ADARB2: variants seen among roughly 807,000 people sequenced by gnomAD.
ADARB2 encodes inactive double-stranded RNA-specific editase B2.
A neutral mutation model predicts 62.2 loss-of-function variants in ADARB2; 25 were observed. The observed-to-expected ratio is 0.40, with a 90% CI of 0.29 to 0.56. The LOEUF is 0.56. ADARB2 is among the 20% of genes least tolerant of loss of function. The pLI is 0.43. For synonymous variants in ADARB2, 572 were observed against 500.8 expected (o/e 1.14, Z -1.90); for missense variants, 1,071 against 1,077.4 (o/e 0.99, Z 0.08).
intron 3 of ADARB2, among the ~76,000 whole-genome samples, chr10:1,276,683 A>G (rs1831321117): frequency 6.6e-6 from 1 of 152,204 alleles, no homozygotes; most frequent in South Asian, 2.1e-4. Context: ...CACTGTCAAC[A>G]TTAGACAGAT....
intron 1 of ADARB2, among the ~76,000 whole-genome samples, chr10:1,611,865 G>A (rs543719943): frequency 2.0e-5 from 3 of 152,206 alleles, no homozygotes; most frequent in African/African-American, 7.2e-5. Context: ...ACAGAGCCCT[G>A]GGCAACCCTG....
At chr10:1,709,840 A>G (rs1185206616) in intron 1 of ADARB2, among the ~76,000 whole-genome samples, 2 of 152,210 alleles carry the variant, frequency 1.3e-5, no homozygotes, top group Non-Finnish European at 2.9e-5. Flanking sequence ...TTATTGAGAC[A>G]TTTCAGCATG....
chr10:1,233,581 A>C, intron 6 of ADARB2, 113 bp downstream of exon 6: 2 of 1,155,392 alleles, frequency 1.7e-6, no homozygotes, highest in South Asian at 4.6e-5. Flanking sequence ...TCCAGTACCC[A>C]AGGGCCCCAC....
At chr10:1,546,214 C>T (rs891290744) in intron 1 of ADARB2, among the ~76,000 whole-genome samples, 4 of 152,156 alleles carry the variant, frequency 2.6e-5, no homozygotes, top group South Asian at 2.1e-4. Context: ...CGATTTTAGT[C>T]GGTCCAGGAG....
intron 2 of ADARB2, among the ~76,000 whole-genome samples, chr10:1,378,586 G>A (rs1832454927): frequency 6.6e-6 from 1 of 152,152 alleles, no homozygotes; most frequent in Non-Finnish European, 1.5e-5. Flanking sequence ...TCCAGGTTAG[G>A]ATGGAACTGC....
At chr10:1,505,947 T>C (rs1831841992) in intron 1 of ADARB2, among the ~76,000 whole-genome samples, 1 of 152,262 alleles carries the variant, frequency 6.6e-6, no homozygotes, top group South Asian at 2.1e-4. Context: ...TTTTCCATTC[T>C]TGGTATCAAA....
intron 4 of ADARB2, among the ~76,000 whole-genome samples, chr10:1,262,321 A>ATAATAATAAT (rs397743234): frequency 6.8e-6 from 1 of 147,406 alleles, no homozygotes; most frequent in Admixed American, 6.7e-5. Flanking sequence ...AATAATAATA[A>ATAATAATAAT]AAGAAACCAC....
At chr10:1,555,151 A>G (rs887795524) in intron 1 of ADARB2, among the ~76,000 whole-genome samples, 11 of 152,120 alleles carry the variant, frequency 7.2e-5, no homozygotes, top group Non-Finnish European at 1.2e-4. Flanking sequence ...GGCTGATTCC[A>G]TATCTTTGCT....
intron 1 of ADARB2, among the ~76,000 whole-genome samples, chr10:1,665,325 T>G (rs914166831): frequency 6.6e-6 from 1 of 152,240 alleles, no homozygotes; most frequent in East Asian, 1.9e-4. Flanking sequence ...GAGTGGGCGT[T>G]GTGCGCAGAC....
chr10:1,279,763 A>G (rs1831353987), intron 3 of ADARB2, among the ~76,000 whole-genome samples: 1 of 152,094 alleles, frequency 6.6e-6, no homozygotes, highest in African/African-American at 2.4e-5. Flanking sequence ...CTCTCTTGGA[A>G]AGGGACGTCT....
rs535306864 is a variant in ADARB2, at chr10:1,398,523, C to G, written c.101-19363G>C. ...AAGACCCCTCTCCAGGAGCCCCTAACCCCAGTTCCAGATAAACCTTCTGTT... is the reference window on the plus strand; with the variant it reads ...AAGACCCCTCTCCAGGAGCCCCTAAGCCCAGTTCCAGATAAACCTTCTGTT... On this transcript the variant is annotated intron_variant, in intron 1 of 9. Transcript: ENST00000381312. This position sits in a 1 kb window ranked among gnomAD's most constrained non-coding sequence, Gnocchi z 4.1. Among the ~76,000 whole-genome samples the G allele has an allele frequency of 1.3e-5, 2 of 152,354 alleles. No individual in the cohort carries two copies. Among genetic ancestry groups the G allele is most frequent in the African/African-American group, 2.4e-5 (1 of 41,590 alleles).
chr10:1,309,927 C>T (rs17156186), intron 3 of ADARB2, among the ~76,000 whole-genome samples: 5,110 of 152,310 alleles, frequency 0.034, 160 homozygotes, highest in East Asian at 0.11. Flanking sequence ...CACCTGGGGC[C>T]GCATCATTCC....
chr10:1,533,772 C>T (rs758260970), intron 1 of ADARB2, among the ~76,000 whole-genome samples: 4 of 152,160 alleles, frequency 2.6e-5, no homozygotes, highest in Non-Finnish European at 4.4e-5. Context: ...GTAACATCAG[C>T]GTATGAAATG....
At chr10:1,675,138 G>T (rs1834449171) in intron 1 of ADARB2, 3 of 984,176 alleles carry the variant, frequency 3.0e-6, no homozygotes, top group African/African-American at 1.8e-5. Context: ...TGTTCTGGAG[G>T]TTTAGGTTCA....
At chr10:1,279,084 G>T (rs1455664283) in intron 3 of ADARB2, among the ~76,000 whole-genome samples, 1 of 152,122 alleles carries the variant, frequency 6.6e-6, no homozygotes, top group African/African-American at 2.4e-5. Context: ...ATCTGCTGGG[G>T]CTGCCGTAAA....
intron 1 of ADARB2, among the ~76,000 whole-genome samples, chr10:1,463,733 G>A (rs1232567158): frequency 1.3e-5 from 2 of 151,994 alleles, no homozygotes; most frequent in Non-Finnish European, 2.9e-5. Flanking sequence ...AATGCACTAA[G>A]AATGAAAAGA....
chr10:1,642,133 T>C (rs1391414265), intron 1 of ADARB2, among the ~76,000 whole-genome samples: 1 of 152,256 alleles, frequency 6.6e-6, no homozygotes, highest in East Asian at 1.9e-4. Context: ...ATTTGTGCCA[T>C]TAATGACTTC....
intron 1 of ADARB2, among the ~76,000 whole-genome samples, chr10:1,519,913 G>A (rs1832052933): frequency 6.6e-6 from 1 of 152,064 alleles, no homozygotes; most frequent in Non-Finnish European, 1.5e-5. Context: ...TTGCCATGTA[G>A]GCTGCCTTCT....
chr10:1,368,119 T>TTA (rs1554757018), intron 2 of ADARB2, among the ~76,000 whole-genome samples: 4 of 151,982 alleles, frequency 2.6e-5, no homozygotes, highest in Non-Finnish European at 5.9e-5. Flanking sequence ...AGCGGTGGCC[T>TTA]CTGCATGGAG....
Sources: gnomAD v4.1 joint callset for allele counts (sites outside exome capture counted in the v4.1 genomes callset) on GRCh38, gnomAD v4.1.1 for gene constraint, Gnocchi (gnomAD v3.1) non-coding constraint, MANE v1.5 for transcripts, NCBI Gene and HGNC (gene_info 2026-07-23, HGNC 2026-07-21) for gene names.